The following NECTIN3 variants were observed in gnomAD, a reference collection of about 807,000 sequenced individuals.
NECTIN3 encodes the protein nectin cell adhesion molecule 3.
Under a neutral mutation model 49.4 loss-of-function variants are expected in NECTIN3, and 8 were observed. That is an observed-to-expected ratio of 0.16 (90% CI 0.10 to 0.29). The LOEUF (loss-of-function observed/expected upper bound fraction) is 0.29, where lower values mean the gene tolerates loss of function less well. Among genes scored for constraint, NECTIN3 ranks in the 10% least tolerant of loss-of-function variants. NECTIN3 has a pLI of 1.00. For synonymous variants in NECTIN3, 277 were observed against 241.1 expected, an observed-to-expected ratio of 1.15 and a Z score of -1.38; for missense variants, 581 against 654.6, an observed-to-expected ratio of 0.89 and a Z score of 1.23.
At chr3:111,186,189 T>G (rs894440617) in intron 7 of NECTIN3, among the ~76,000 whole-genome samples, 13 of 151,880 alleles carry the variant, frequency 8.6e-5, no homozygotes, top group African/African-American at 2.7e-4. Context: ...GGGAAGGAAT[T>G]AGAATTAGGA....
intron 1 of NECTIN3, among the ~76,000 whole-genome samples, chr3:111,109,888 C>T (rs2033381751): frequency 6.6e-6 from 1 of 151,830 alleles, no homozygotes. Context: ...AGTTTTCCTA[C>T]CTAGGAATAT....
chr3:111,146,342 G>A (rs865862352), intron 6 of NECTIN3, among the ~76,000 whole-genome samples: 13 of 150,666 alleles, frequency 8.6e-5, no homozygotes, highest in Admixed American at 6.6e-5. Flanking sequence ...GCTGAGGCAG[G>A]AGAATGGCGT....
At chr3:111,133,504 A>AATCT in intron 5 of NECTIN3, 131 bp from the exon 6 acceptor site, 1 of 1,308,292 alleles carries the variant, frequency 7.6e-7, no homozygotes, top group Non-Finnish European at 1.0e-6. Context: ...AATCAAATTA[A>AATCT]GAATGAAAAA....
intron 2 of NECTIN3, among the ~76,000 whole-genome samples, chr3:111,115,409 C>T (rs1176671057): frequency 1.3e-5 from 2 of 152,184 alleles, no homozygotes; most frequent in African/African-American, 4.8e-5. Context: ...GTTGTGCTGC[C>T]TCTCACCTGT....
At chr3:111,171,195 A>G (rs2035426922) in intron 7 of NECTIN3, among the ~76,000 whole-genome samples, 1 of 152,182 alleles carries the variant, frequency 6.6e-6, no homozygotes, top group African/African-American at 2.4e-5. Context: ...TAGTGCCACC[A>G]TCTATTTGAG....
intron 2 of NECTIN3, among the ~76,000 whole-genome samples, chr3:111,113,805 A>G (rs1370462144): frequency 6.6e-6 from 1 of 152,022 alleles, no homozygotes; most frequent in Non-Finnish European, 1.5e-5. Context: ...CCAGCATGGC[A>G]AAACCCCATC....
chr3:111,157,669 T>C (rs1330048684), intron 7 of NECTIN3, among the ~76,000 whole-genome samples: 9 of 152,140 alleles, frequency 5.9e-5, no homozygotes, highest in African/African-American at 1.4e-4. Flanking sequence ...TGCAAAGTAA[T>C]ACTGACATTG....
chr3:111,152,787 A>T (rs1247151084), intron 7 of NECTIN3, among the ~76,000 whole-genome samples: 1 of 152,002 alleles, frequency 6.6e-6, no homozygotes, highest in Admixed American at 6.5e-5. Flanking sequence ...TTTTAAGGAT[A>T]TAAGTTCAAG....
chr3:111,134,424 A>G lies in NECTIN3; in HGVS notation c.*209A>G. The G allele has an allele frequency of 2.4e-6, 3 of 1,257,904 alleles. No homozygotes were observed. The highest frequency in any genetic ancestry group is 6.6e-5 in the East Asian group (2 of 30,444). 77.9% of individuals were successfully genotyped at this position (1,257,904 alleles called of 1,614,324 possible). A position where few individuals can be genotyped will look rare whatever the true frequency, so the allele number is the denominator to read the frequency against. On this transcript the variant is annotated 3_prime_UTR_variant, in exon 6 of 6. Transcript: ENST00000485303. ...TACAATTTTTTTTCAATGCTGTACT[A>G]CTGTCTCAAGATTTAAATTTTAATG...
intron 1 of NECTIN3, among the ~76,000 whole-genome samples, chr3:111,089,406 CGTGTGTGTGT>C (rs139575444): frequency 4.1e-5 from 6 of 146,988 alleles, no homozygotes; most frequent in Admixed American, 3.4e-4. Flanking sequence ...CAGCCTTTCT[CGTGTGTGTGT>C]GTGTGTGTGT....
chr3:111,126,635 C>G (rs990884223), intron 5 of NECTIN3, among the ~76,000 whole-genome samples: 1 of 152,078 alleles, frequency 6.6e-6, no homozygotes, highest in African/African-American at 2.4e-5. Context: ...CATAGTATGA[C>G]TTTCTAGATT....
chr3:111,155,197 A>G (rs1344433406), intron 7 of NECTIN3, among the ~76,000 whole-genome samples: 3 of 152,170 alleles, frequency 2.0e-5, no homozygotes, highest in Admixed American at 2.0e-4. Flanking sequence ...CGGCCTCCCA[A>G]AAGTGCTGGG....
In NECTIN3 at chr3:111,075,067, A is replaced by G. The variant is rs531897217; in HGVS notation, c.160+2890A>G. On this transcript the variant is annotated intron_variant, in intron 1 of 5. Transcript: ENST00000485303. The stretch of plus-strand genomic sequence containing the variant: ...AGATCTGATATGATATGGAACTTTT[A>G]AAAGCACTTTGACTACTTGATAGGC... The G allele has an allele frequency of 2.6e-5, 4 of 152,218 alleles. No individual in the cohort carries two copies. In the South Asian group the frequency reaches 8.3e-4, roughly 32 times the overall value. 9.4% of individuals were successfully genotyped at this position (152,218 alleles called of 1,614,324 possible).
chr3:111,139,753 TA>T (rs1417054820), downstream of NECTIN3, among the ~76,000 whole-genome samples: 1 of 151,762 alleles, frequency 6.6e-6, no homozygotes, highest in Non-Finnish European at 1.5e-5. Context: ...AAAACTCCTT[TA>T]AGTGTACCTC....
chr3:111,098,310 A>T (rs1354510207), intron 1 of NECTIN3, among the ~76,000 whole-genome samples: 2 of 152,236 alleles, frequency 1.3e-5, no homozygotes, highest in East Asian at 1.9e-4. Flanking sequence ...ATAACACATT[A>T]TCATAAACTA....
chr3:111,117,906 T>C (rs2033757680), intron 2 of NECTIN3, among the ~76,000 whole-genome samples: 1 of 152,036 alleles, frequency 6.6e-6, no homozygotes, highest in East Asian at 1.9e-4. Flanking sequence ...AACTTTCTTA[T>C]ATTGGAAGAA....
At chr3:111,132,895 T>C (rs1007071700) in intron 5 of NECTIN3, among the ~76,000 whole-genome samples, 1 of 152,000 alleles carries the variant, frequency 6.6e-6, no homozygotes, top group African/African-American at 2.4e-5. Context: ...AACATATTTT[T>C]ACTTTGTCTA....
intron 1 of NECTIN3, among the ~76,000 whole-genome samples, chr3:111,109,506 A>G (rs2033363369): frequency 1.3e-5 from 2 of 152,054 alleles, no homozygotes; most frequent in South Asian, 2.1e-4. Flanking sequence ...TCTTCAGTCC[A>G]TCTAGGGTTT....
intron 7 of NECTIN3, among the ~76,000 whole-genome samples, chr3:111,163,305 AG>A (rs2035253161): frequency 1.3e-5 from 2 of 152,202 alleles, no homozygotes; most frequent in Non-Finnish European, 2.9e-5. Context: ...GGCAAGTGAA[AG>A]CTGTGTTACC....
Sources: gnomAD v4.1 joint callset for allele counts (sites outside exome capture counted in the v4.1 genomes callset) on GRCh38, gnomAD v4.1.1 for gene constraint, MANE v1.5 for transcripts, NCBI Gene and HGNC (gene_info 2026-07-23, HGNC 2026-07-21) for gene names.